Variants in WDR70 observed in about 807,000 individuals in gnomAD.
WDR70 encodes WD repeat domain 70.
WDR70 carries 53 observed loss-of-function variants against 88.6 expected under a neutral mutation model. That is an observed-to-expected ratio of 0.60 (90% confidence interval 0.48 to 0.75). The LOEUF is 0.75. WDR70 is among the 30% of genes least tolerant of loss of function. The pLI, the probability that WDR70 is intolerant of heterozygous loss-of-function variation, is 0.00. For synonymous variants in WDR70, 280 were observed against 270.0 expected, an observed-to-expected ratio of 1.04 and a Z score of -0.36; for missense variants, 610 against 823.2, an observed-to-expected ratio of 0.74 and a Z score of 3.17.
chr5:37,748,689 A>T (rs1399299256), intron 17 of WDR70, among the ~76,000 whole-genome samples: 2 of 152,220 alleles, frequency 1.3e-5, no homozygotes, highest in African/African-American at 4.8e-5. Flanking sequence ...AACCTACAGA[A>T]TGGGAGAAAA....
intron 9 of WDR70, among the ~76,000 whole-genome samples, chr5:37,592,328 G>A (rs185129649): frequency 6.6e-6 from 1 of 152,302 alleles, no homozygotes; most frequent in East Asian, 1.9e-4. Flanking sequence ...AGTTACACAT[G>A]TGGAGAACTA....
At chr5:37,480,425 A>G (rs13361597) in intron 8 of WDR70, among the ~76,000 whole-genome samples, 5,300 of 152,260 alleles carry the variant, frequency 0.035, 318 homozygotes, top group African/African-American at 0.12. Context: ...TTTATAAAGG[A>G]AAGAGGTTAA....
At chr5:37,524,616 A>G (rs1034443171) in intron 9 of WDR70, among the ~76,000 whole-genome samples, 22 of 152,360 alleles carry the variant, frequency 1.4e-4, no homozygotes, top group African/African-American at 5.1e-4. Context: ...GACAGGATCA[A>G]ATTCACACAT....
rs529090026 is a variant in WDR70 at position 37,531,455 on chromosome 5, C to T, written c.917+14865C>T. Among the ~76,000 whole-genome samples, 18 of 152,010 alleles carry T rather than the reference C, an allele frequency of 1.2e-4. No individual in the cohort carries two copies. The South Asian group carries it at 3.5e-3, about 30-fold the overall frequency. On this transcript the variant is annotated intron_variant, in intron 9 of 17. Coordinates refer to ENST00000265107, the MANE Select transcript of WDR70 (RefSeq NM_018034.4). ...AATTGTTTTATAAATTCGGGAGCTCCAGTGTTAGATATATGCATACATACA... is the reference window on the plus strand; with the variant it reads ...AATTGTTTTATAAATTCGGGAGCTCTAGTGTTAGATATATGCATACATACA...
At chr5:37,715,569 TC>T in intron 13 of WDR70, among the ~76,000 whole-genome samples, 1 of 152,186 alleles carries the variant, frequency 6.6e-6, no homozygotes, top group Non-Finnish European at 1.5e-5. Flanking sequence ...CATGTTTGCT[TC>T]CTGAACTTCA....
At chr5:37,707,974 T>A (rs868866337) in intron 13 of WDR70, among the ~76,000 whole-genome samples, 41 of 89,334 alleles carry the variant, frequency 4.6e-4, no homozygotes, top group African/African-American at 1.4e-3. Context: ...TATATATATA[T>A]ATATATATAT....
chr5:37,460,580 A>G (rs1379067292), intron 7 of WDR70, among the ~76,000 whole-genome samples: 3 of 58,352 alleles, frequency 5.1e-5, no homozygotes, highest in African/African-American at 1.2e-4. Context: ...TGGGAGACAT[A>G]CCTAATGCTA....
At chr5:37,722,076 G>C (rs1221545123) in intron 14 of WDR70, 1 of 152,158 alleles carries the variant, frequency 6.6e-6, no homozygotes, top group African/African-American at 2.4e-5. Flanking sequence ...TCCTGGACTA[G>C]AGTTGGAATC....
At chr5:37,609,867 C>G (rs1416473578) in intron 10 of WDR70, among the ~76,000 whole-genome samples, 2 of 152,174 alleles carry the variant, frequency 1.3e-5, no homozygotes, top group African/African-American at 4.8e-5. Context: ...AGTAAGACAA[C>G]AAATATGAAG....
At chr5:37,656,840 T>C (rs1333566655) in intron 10 of WDR70, among the ~76,000 whole-genome samples, 1 of 152,218 alleles carries the variant, frequency 6.6e-6, no homozygotes, top group African/African-American at 2.4e-5. Context: ...ACTGCTGTGC[T>C]GGCAGTGAGA....
intron 10 of WDR70, among the ~76,000 whole-genome samples, chr5:37,615,052 A>T (rs1384361182): frequency 6.6e-6 from 1 of 152,086 alleles, no homozygotes; most frequent in African/African-American, 2.4e-5. Context: ...TTGCAAAATA[A>T]ATATGTGATT....
chr5:37,549,794 A>G (rs572979700), intron 9 of WDR70, among the ~76,000 whole-genome samples: 1 of 151,360 alleles, frequency 6.6e-6, no homozygotes, highest in Non-Finnish European at 1.5e-5. Context: ...GGCTTTTATT[A>G]TGTTGAGGTA....
At position 37,454,732 on chromosome 5, in the gene WDR70, TTCC is replaced by T. The variant is rs1186340338; in HGVS notation, c.686+11366_686+11368del. On this transcript the variant is annotated intron_variant, in intron 7 of 17. Coordinates refer to ENST00000265107, the MANE Select transcript of WDR70 (RefSeq NM_018034.4). ...GTCCTAGATTTTCACTGAAGTATTT[TTCC>T]TCCTCTTTCTTTTTTATTGCATATT... Among the ~76,000 whole-genome samples the T allele has an allele frequency of 2.0e-5, 3 of 152,322 alleles. No homozygotes were observed. The South Asian group carries it at 6.2e-4, about 32-fold the overall frequency.
At chr5:37,388,408 G>A (rs1348344082) in intron 3 of WDR70, among the ~76,000 whole-genome samples, 2 of 139,750 alleles carry the variant, frequency 1.4e-5, no homozygotes, top group African/African-American at 5.3e-5. Flanking sequence ...GAGCCACCAC[G>A]CCCAGCTGAA....
At chr5:37,416,064 C>T (rs1451424140) in intron 5 of WDR70, among the ~76,000 whole-genome samples, 10 of 147,586 alleles carry the variant, frequency 6.8e-5, no homozygotes, top group Non-Finnish European at 1.2e-4. Context: ...ACATCCCAGA[C>T]GATGGGCGGC....
chr5:37,465,532 T>C (rs1215324510), intron 7 of WDR70, among the ~76,000 whole-genome samples: 1 of 152,168 alleles, frequency 6.6e-6, no homozygotes, highest in East Asian at 1.9e-4. Context: ...AAAACAGTTT[T>C]ATTGATAAGT....
intron 8 of WDR70, among the ~76,000 whole-genome samples, chr5:37,490,918 T>C (rs557827350): frequency 6.6e-6 from 1 of 152,220 alleles, no homozygotes; most frequent in African/African-American, 2.4e-5. Flanking sequence ...TCATGGGGCC[T>C]CCAGGGATGT....
Position 37,716,644 on chromosome 5 carries a change from A to G in WDR70, c.1417-4471A>G, listed in dbSNP as rs1006802433. Among the ~76,000 whole-genome samples, 3 of 152,190 alleles carry G rather than the reference A, an allele frequency of 2.0e-5. No homozygotes were observed. The South Asian group carries it at 6.2e-4, about 32-fold the overall frequency. Reference sequence around the variant, plus strand: ...GTTTCTTCATCTGTGAGATGGGATGAGATTATTAATTTTGTAGTATTTGTG... The same window carrying G: ...GTTTCTTCATCTGTGAGATGGGATGGGATTATTAATTTTGTAGTATTTGTG... On this transcript the variant is annotated intron_variant, in intron 13 of 17. Transcript: ENST00000265107.
chr5:37,652,914 A>G (rs556985267), intron 10 of WDR70, among the ~76,000 whole-genome samples: 9 of 152,134 alleles, frequency 5.9e-5, no homozygotes, highest in Non-Finnish European at 1.3e-4. Flanking sequence ...CTCTCTTCCT[A>G]TTCCAGTACC....
Sources: allele counts gnomAD v4.1 joint callset (sites outside exome capture counted in the v4.1 genomes callset), GRCh38; gene constraint gnomAD v4.1.1; transcripts MANE v1.5; gene names NCBI Gene and HGNC (gene_info 2026-07-23, HGNC 2026-07-21).